The following OR13A1 variants were observed in gnomAD, a reference collection of about 807,000 sequenced individuals.
OR13A1 encodes olfactory receptor family 13 subfamily A member 1, also known as olfactory receptor 13A1.
Under a neutral mutation model 7.5 loss-of-function variants are expected in OR13A1, and 10 were observed. The observed-to-expected ratio is 1.34, with a 90% confidence interval of 0.83 to 2.27. The LOEUF (loss-of-function observed/expected upper bound fraction) is 2.27, where lower values mean the gene tolerates loss of function less well. OR13A1 is among the 30% of genes most tolerant of loss of function. The probability of loss-of-function intolerance (pLI) is 0.00; values close to 1 mark genes in which losing one functional copy is unlikely to be tolerated. For synonymous variants in OR13A1, 238 were observed against 177.9 expected (o/e 1.34, Z -2.69); for missense variants, 509 against 419.1 (o/e 1.21, Z -1.87).
chr10:45,306,384 C>T (rs185096019), intron 3 of OR13A1, among the ~76,000 whole-genome samples: 1,936 of 150,856 alleles, frequency 0.013, 45 homozygotes, highest in African/African-American at 0.044. Context: ...ACCCGGGAGG[C>T]GGAGCTTGCA....
At chr10:45,305,287 A>G (rs1021628044) in intron 3 of OR13A1, among the ~76,000 whole-genome samples, 6 of 152,138 alleles carry the variant, frequency 3.9e-5, no homozygotes, top group Non-Finnish European at 4.4e-5. Flanking sequence ...ATTTAAAATA[A>G]TGTGTACAAT....
chr10:45,314,232 C>G (rs777243588), intron 1 of OR13A1, among the ~76,000 whole-genome samples: 1 of 151,840 alleles, frequency 6.6e-6, no homozygotes, highest in East Asian at 1.9e-4. Context: ...ATACAATGTA[C>G]CAAAATGTGT....
downstream of OR13A1, chr10:45,302,390 G>A (rs1456281768): frequency 6.6e-6 from 1 of 152,172 alleles, no homozygotes; most frequent in African/African-American, 2.4e-5. Context: ...AGATTAAACT[G>A]TCTGTAAGAA....
At chr10:45,313,515 C>A (rs1325918459) in intron 1 of OR13A1, among the ~76,000 whole-genome samples, 2 of 151,522 alleles carry the variant, frequency 1.3e-5, no homozygotes, top group Non-Finnish European at 2.9e-5. Flanking sequence ...AAAAAGGATC[C>A]AACTTTATCC....
intron 1 of OR13A1, among the ~76,000 whole-genome samples, chr10:45,310,186 A>C (rs905440053): frequency 6.6e-6 from 1 of 152,222 alleles, no homozygotes; most frequent in Non-Finnish European, 1.5e-5. Context: ...TCAGGAATAA[A>C]TGTGTGTTAG....
In OR13A1 at chr10:45,303,633, T is replaced by C; in HGVS notation, c.790A>G (p.Thr264Ala). The change falls in exon 4 of 4, where the codon ACC (threonine) becomes GCC (alanine). Residue 264 changes from threonine to alanine, a missense_variant. By Grantham distance (58) the Thr-to-Ala change is moderately conservative. Coordinates refer to ENST00000553795, the MANE Select transcript of OR13A1 (RefSeq NM_001004297.3). ...KAFSTCSSHL[T>A]VVCMYYTAVF... ...GCGGTGTAATACATGCACACCACGG[T>C]GAGGTGGGAAGAGCAGGTGGAGAAG... is the stretch of plus-strand genomic sequence containing the variant. The C allele has an allele frequency of 6.2e-7, 1 of 1,614,118 alleles. No individual in the cohort carries two copies. The highest frequency in any genetic ancestry group is 1.1e-5 in the South Asian group (1 of 91,086).
chr10:45,308,193 A>G (rs1838374979), intron 1 of OR13A1, among the ~76,000 whole-genome samples: 1 of 152,256 alleles, frequency 6.6e-6, no homozygotes. Flanking sequence ...AACATGCCAG[A>G]ATCGCATATG....
chr10:45,314,172 A>G (rs1838487620), intron 1 of OR13A1, among the ~76,000 whole-genome samples: 1 of 152,246 alleles, frequency 6.6e-6, no homozygotes, highest in Non-Finnish European at 1.5e-5. Flanking sequence ...GGGTCAAAAA[A>G]GAAATCACAA....
intron 2 of OR13A1, 74 bp from the exon 3 acceptor site, chr10:45,307,641 G>A (rs899842016): frequency 5.9e-5 from 9 of 152,218 alleles, no homozygotes; most frequent in Non-Finnish European, 1.2e-4. Context: ...AGCATTACAA[G>A]AGTATTACTA....
intron 1 of OR13A1, among the ~76,000 whole-genome samples, chr10:45,308,516 A>G (rs1838381677): frequency 6.6e-6 from 1 of 152,250 alleles, no homozygotes; most frequent in Non-Finnish European, 1.5e-5. Flanking sequence ...CACATTTGGC[A>G]TCCCACTTAC....
At chr10:45,304,548 A>C in intron 3 of OR13A1, 114 bp from the exon 4 acceptor site, 1 of 864,464 alleles carries the variant, frequency 1.2e-6, no homozygotes, top group South Asian at 1.7e-5. Context: ...TAAGATAAAC[A>C]CCCCAATATT....
At chr10:45,308,610 G>A (rs1056255177) in intron 1 of OR13A1, 4 of 152,120 alleles carry the variant, frequency 2.6e-5, no homozygotes, top group Non-Finnish European at 4.4e-5. Context: ...AAACCATTAA[G>A]TCTTTTATAT....
chr10:45,315,289 G>A (rs1838503155), intron 1 of OR13A1, among the ~76,000 whole-genome samples: 1 of 151,858 alleles, frequency 6.6e-6, no homozygotes, highest in Non-Finnish European at 1.5e-5. Flanking sequence ...ACTCCAGCCA[G>A]AATGACAGAA....
intron 1 of OR13A1, among the ~76,000 whole-genome samples, chr10:45,308,290 C>T (rs990436159): frequency 1.3e-5 from 2 of 152,210 alleles, no homozygotes; most frequent in Admixed American, 6.5e-5. Flanking sequence ...AAATAACTTA[C>T]CCTGGTCACA....
chr10:45,310,239 G>T (rs148357187), intron 1 of OR13A1, among the ~76,000 whole-genome samples: 1 of 152,302 alleles, frequency 6.6e-6, no homozygotes, highest in East Asian at 1.9e-4. Context: ...TAAATATATA[G>T]TGGCTTCATT....
chr10:45,313,598 A>G (rs1443803108), intron 1 of OR13A1, among the ~76,000 whole-genome samples: 3 of 152,106 alleles, frequency 2.0e-5, no homozygotes, highest in African/African-American at 7.2e-5. Flanking sequence ...CAAATGGTAA[A>G]TAAAAGCAAG....
At chr10:45,311,647 A>G (rs982284535) in intron 1 of OR13A1, among the ~76,000 whole-genome samples, 31 of 152,164 alleles carry the variant, frequency 2.0e-4, no homozygotes, top group African/African-American at 7.5e-4. Context: ...TAGTAGTGAT[A>G]CAAAGAGAGG....
rs912082043 is a variant in OR13A1, at chr10:45,304,282, G to A, written c.141C>T (p.Ser47=). The A allele has an allele frequency of 6.2e-7, 1 of 1,614,214 alleles. No homozygotes were observed. The highest frequency in any genetic ancestry group is 8.5e-7 in the Non-Finnish European group (1 of 1,180,034). ...EHPEYRVFLF[S]CFLFLYSGAL... ...CCCCAGAGTAGAGGAAGAGGAAACA[G>A]CTGAATAAGAACACCCGGTATTCTG... The change falls in exon 4 of 4, where the codon AGC becomes AGT. Residue 47 remains serine (S), a synonymous_variant. Transcript: ENST00000553795.
intron 1 of OR13A1, among the ~76,000 whole-genome samples, chr10:45,313,146 C>T (rs373193830): frequency 9.2e-5 from 14 of 151,956 alleles, no homozygotes; most frequent in East Asian, 5.8e-4. Context: ...CATAAGTAAC[C>T]TAAGGTGAGG....
Sources: gnomAD v4.1 joint callset for allele counts (sites outside exome capture counted in the v4.1 genomes callset) on GRCh38, gnomAD v4.1.1 for gene constraint, MANE v1.5 for transcripts, NCBI Gene and HGNC (gene_info 2026-07-23, HGNC 2026-07-21) for gene names.